PAIP2: variants seen among roughly 807,000 people sequenced by gnomAD.
PAIP2 encodes poly(A) binding protein interacting protein 2, also known as polyadenylate-binding protein-interacting protein 2.
A neutral mutation model predicts 14.8 loss-of-function variants in PAIP2; 7 were observed. The observed-to-expected ratio is 0.47, with a 90% CI of 0.27 to 0.89. The LOEUF is 0.89. PAIP2 is among the 40% of genes least tolerant of loss of function. PAIP2 has a pLI of 0.13. For missense variants in PAIP2, 122 were observed against 154.7 expected, an observed-to-expected ratio of 0.79 and a Z score of 1.12; for synonymous variants, 47 against 45.3, an observed-to-expected ratio of 1.04 and a Z score of -0.15.
intron 1 of PAIP2, among the ~76,000 whole-genome samples, chr5:139,345,423 A>C (rs1365119135): frequency 1.3e-5 from 2 of 152,182 alleles, no homozygotes; most frequent in Non-Finnish European, 2.9e-5. Context: ...TTCAGAGTGG[A>C]AAACAGACCA....
chr5:139,352,499 G>GTTTTTTTTTTTTTTTTTTTTTTTTT (rs1561959065), intron 1 of PAIP2, among the ~76,000 whole-genome samples: 1 of 128,960 alleles, frequency 7.8e-6, no homozygotes, highest in Admixed American at 7.7e-5. Context: ...TTTTTTTTTT[G>GTTTTTTTTTTTTTTTTTTTTTTTTT]TTGTTTTTTT....
intron 1 of PAIP2, chr5:139,343,367 T>G (rs1756439793): frequency 6.6e-6 from 1 of 152,196 alleles, no homozygotes; most frequent in African/African-American, 2.4e-5. Flanking sequence ...CTCTAATGAT[T>G]CAAGGCTGTG....
chr5:139,354,047 A>G (rs1756833823), intron 1 of PAIP2, among the ~76,000 whole-genome samples: 1 of 152,202 alleles, frequency 6.6e-6, no homozygotes, highest in South Asian at 2.1e-4. Context: ...TGCAGAAAGA[A>G]AGAGGAGTAA....
At position 139,343,925 on chromosome 5, in the gene PAIP2, C is replaced by G. The variant is rs187879237; in HGVS notation, c.-27+1945C>G. On this transcript the variant is annotated intron_variant, in intron 1 of 3. Transcript: ENST00000265192. The stretch of plus-strand genomic sequence containing the variant: ...TAGAGACAGGGTTTCACCGTGTTAG[C>G]CAGGATGGTCTCGATCTCCTGACTT... 2.6e-4 allele frequency among the ~76,000 whole-genome samples: 40 copies of G among 152,176 alleles called. 1 individual carries two copies. The highest frequency in any genetic ancestry group is 1.5e-5 in the Non-Finnish European group (1 of 67,994).
At chr5:139,356,444 T>A (rs1399825713) in intron 1 of PAIP2, among the ~76,000 whole-genome samples, 2 of 152,114 alleles carry the variant, frequency 1.3e-5, no homozygotes, top group Non-Finnish European at 2.9e-5. Context: ...AAAACACTCC[T>A]CGTCAAAAAT....
intron 1 of PAIP2, among the ~76,000 whole-genome samples, chr5:139,358,146 T>C (rs888396186): frequency 6.6e-6 from 1 of 152,148 alleles, no homozygotes; most frequent in Non-Finnish European, 1.5e-5. Flanking sequence ...CTGGTGCATG[T>C]TTTAGAGTCA....
intron 1 of PAIP2, among the ~76,000 whole-genome samples, chr5:139,347,359 C>T (rs1419128151): frequency 2.0e-5 from 3 of 150,522 alleles, no homozygotes; most frequent in African/African-American, 7.3e-5. Context: ...CTGCTACCTC[C>T]ACCTCCCGAG....
intron 1 of PAIP2, among the ~76,000 whole-genome samples, chr5:139,359,729 G>A (rs1463527766): frequency 1.3e-5 from 2 of 151,572 alleles, no homozygotes; most frequent in African/African-American, 2.4e-5. Flanking sequence ...CAGCACTTTG[G>A]GAGGCTGAGG....
intron 3 of PAIP2, 22 bp downstream of exon 3, chr5:139,364,765 T>G (rs762436151): frequency 1.3e-6 from 2 of 1,521,778 alleles, no homozygotes; most frequent in Non-Finnish European, 1.8e-6. Flanking sequence ...TTTTTCATCT[T>G]TTTAAAACCT....
intron 1 of PAIP2, among the ~76,000 whole-genome samples, chr5:139,354,709 TTCTCAGACTGGATAAA>T (rs1756854336): frequency 6.6e-6 from 1 of 152,214 alleles, no homozygotes; most frequent in African/African-American, 2.4e-5. Flanking sequence ...CTCATTCTGC[TTCTCAGACTGGATAAA>T]TCTCAATTGA....
At chr5:139,349,513 C>T (rs921331735) in intron 1 of PAIP2, among the ~76,000 whole-genome samples, 1 of 152,134 alleles carries the variant, frequency 6.6e-6, no homozygotes, top group Non-Finnish European at 1.5e-5. Context: ...TCCCAAAGTG[C>T]TGGGATTACA....
intron 3 of PAIP2, 98 bp from the exon 4 acceptor site, chr5:139,368,634 CT>C (rs1212388108): frequency 0.077 from 44,611 of 575,740 alleles, no homozygotes; most frequent in South Asian, 0.11. Context: ...GTTCTTTTGT[CT>C]TTTTTTTTTT....
At chr5:139,348,002 T>C (rs1012258038) in intron 1 of PAIP2, among the ~76,000 whole-genome samples, 8 of 151,952 alleles carry the variant, frequency 5.3e-5, no homozygotes, top group Non-Finnish European at 1.0e-4. Context: ...TGAAACCCCA[T>C]CTCTACTAAA....
In PAIP2 at chr5:139,364,754, A is replaced by G; in HGVS notation, c.318+11A>G. On this transcript the variant is annotated intron_variant, in intron 3 of 3. Transcript: ENST00000265192. Reference sequence around the variant, plus strand: ...CTGGAAGATCTTGTGGTAAAAAGTTATTTTTCATCTTTTTAAAACCTAGTG... The same window carrying G: ...CTGGAAGATCTTGTGGTAAAAAGTTGTTTTTCATCTTTTTAAAACCTAGTG... 2 of 1,570,692 alleles carry G rather than the reference A, an allele frequency of 1.3e-6. No individual in the cohort carries two copies. Among genetic ancestry groups the G allele is most frequent in the Non-Finnish European group, 1.7e-6 (2 of 1,148,838 alleles).
At chr5:139,348,287 C>T (rs935173280) in intron 1 of PAIP2, among the ~76,000 whole-genome samples, 5 of 151,864 alleles carry the variant, frequency 3.3e-5, no homozygotes, top group African/African-American at 1.2e-4. Flanking sequence ...CTCCCAGGCT[C>T]GAGCAATTCT....
chr5:139,368,686 C>A, intron 3 of PAIP2, 47 bp from the exon 4 acceptor site: 1 of 1,311,416 alleles, frequency 7.6e-7, no homozygotes, highest in Middle Eastern at 1.8e-4. Flanking sequence ...GAATTAGTAC[C>A]TGAAACTGTG....
rs192826576 is a variant in PAIP2, at chr5:139,366,684, A to G, written c.318+1941A>G. ...TAATCTGGACCCAGTATAATTCCAT[A>G]GTACAGAAGCTGGTTTGTTCTTCTC... On this transcript the variant is annotated intron_variant, in intron 3 of 3. Transcript: ENST00000265192. Among the ~76,000 whole-genome samples the G allele has an allele frequency of 3.6e-3, 553 of 152,326 alleles. 1 individual carries two copies. The highest frequency in any genetic ancestry group is 0.02 in the Middle Eastern group (6 of 294).
intron 1 of PAIP2, among the ~76,000 whole-genome samples, chr5:139,360,156 G>A (rs372707020): frequency 5.1e-4 from 78 of 151,540 alleles, no homozygotes; most frequent in Middle Eastern, 6.9e-3. Context: ...TAGTAGAGAC[G>A]GGATTTCACC....
At chr5:139,353,913 G>T (rs1756828975) in intron 1 of PAIP2, among the ~76,000 whole-genome samples, 1 of 151,868 alleles carries the variant, frequency 6.6e-6, no homozygotes. Flanking sequence ...GTAGAGACGG[G>T]GTTTTGCCAT....
Sources: gnomAD v4.1 joint callset for allele counts (sites outside exome capture counted in the v4.1 genomes callset) on GRCh38, gnomAD v4.1.1 for gene constraint, MANE v1.5 for transcripts, NCBI Gene and HGNC (gene_info 2026-07-23, HGNC 2026-07-21) for gene names.